The following PDE4D variants were observed in gnomAD, a reference collection of about 807,000 sequenced individuals.
PDE4D encodes the protein phosphodiesterase 4D.
Under a neutral mutation model 87.4 loss-of-function variants are expected in PDE4D, and 24 were observed. The ratio of observed to expected loss-of-function variants is 0.27; its 90% CI spans 0.20 to 0.39. The LOEUF is 0.39. Among genes scored for constraint, PDE4D ranks in the 10% least tolerant of loss-of-function variants. The probability of loss-of-function intolerance (pLI) is 1.00; values close to 1 mark genes in which losing one functional copy is unlikely to be tolerated. For synonymous variants in PDE4D, 384 were observed against 383.2 expected, an observed-to-expected ratio of 1.00 and a Z score of -0.02; for missense variants, 714 against 1,041.0, an observed-to-expected ratio of 0.69 and a Z score of 4.32.
intron 1 of PDE4D, among the ~76,000 whole-genome samples, chr5:59,871,718 C>T (rs1292751019): frequency 6.6e-6 from 1 of 152,122 alleles, no homozygotes; most frequent in African/African-American, 2.4e-5. Context: ...GGAGAAAAAG[C>T]CAACTTGTTT....
At chr5:59,772,340 C>A (rs1763665463) in intron 1 of PDE4D, among the ~76,000 whole-genome samples, 1 of 152,140 alleles carries the variant, frequency 6.6e-6, no homozygotes, top group Admixed American at 6.5e-5. Context: ...TAAGTGACAG[C>A]CAAATAAGGC....
chr5:59,874,250 C>T (rs1473411948), intron 1 of PDE4D, among the ~76,000 whole-genome samples: 4 of 152,110 alleles, frequency 2.6e-5, no homozygotes, highest in Admixed American at 1.3e-4. Flanking sequence ...TGAGATGTTA[C>T]TTTTCACATA....
At chr5:59,883,424 A>G (rs1749730180) in intron 1 of PDE4D, among the ~76,000 whole-genome samples, 1 of 152,198 alleles carries the variant, frequency 6.6e-6, no homozygotes, top group African/African-American at 2.4e-5. Flanking sequence ...TCAGTCTTAA[A>G]GAGAATGCCC....
At chr5:60,180,743 A>G (rs1784314259) in intron 2 of PDE4D, among the ~76,000 whole-genome samples, 1 of 152,138 alleles carries the variant, frequency 6.6e-6, no homozygotes, top group Non-Finnish European at 1.5e-5. Context: ...CTCTAAAACT[A>G]CAACTTCTCA....
At chr5:59,086,540 G>A (rs1347116895) in intron 5 of PDE4D, among the ~76,000 whole-genome samples, 3 of 151,958 alleles carry the variant, frequency 2.0e-5, no homozygotes, top group African/African-American at 7.3e-5. Context: ...GCCTGTGTGA[G>A]TACCTTCACC....
intron 1 of PDE4D, among the ~76,000 whole-genome samples, chr5:59,494,898 A>G (rs190420254): frequency 5.3e-5 from 8 of 152,322 alleles, no homozygotes; most frequent in Admixed American, 5.2e-4. Flanking sequence ...TGTGTTCTAT[A>G]CATTTCTAAG....
At chr5:60,346,685 C>T (rs1758773208) in intron 1 of PDE4D, among the ~76,000 whole-genome samples, 1 of 152,116 alleles carries the variant, frequency 6.6e-6, no homozygotes, top group Admixed American at 6.6e-5. Flanking sequence ...CTGAGCCACT[C>T]ACAGCAACCC....
At chr5:59,386,750 T>A (rs1787135143) in intron 1 of PDE4D, among the ~76,000 whole-genome samples, 1 of 151,460 alleles carries the variant, frequency 6.6e-6, no homozygotes, top group East Asian at 2.0e-4. Context: ...AAAAGAAATA[T>A]GCCATGGGAA....
At chr5:59,427,491 A>G (rs749146148) in intron 1 of PDE4D, among the ~76,000 whole-genome samples, 2 of 152,160 alleles carry the variant, frequency 1.3e-5, no homozygotes, top group African/African-American at 2.4e-5. Flanking sequence ...TTACAGTCCA[A>G]TTGGGTGAGG....
At chr5:59,845,840 T>G (rs1287109508) in intron 1 of PDE4D, among the ~76,000 whole-genome samples, 1 of 152,042 alleles carries the variant, frequency 6.6e-6, no homozygotes, top group African/African-American at 2.4e-5. Flanking sequence ...CATTTATGGA[T>G]TACTTCTGAA....
At chr5:60,505,887 C>T (rs1490777352) in intron 1 of PDE4D, among the ~76,000 whole-genome samples, 3 of 152,196 alleles carry the variant, frequency 2.0e-5, no homozygotes, top group Non-Finnish European at 4.4e-5. Flanking sequence ...TATCTCTTTG[C>T]CAGTTGGCAG....
intron 1 of PDE4D, chr5:59,586,652 T>C: frequency 7.1e-6 from 7 of 985,340 alleles, no homozygotes; most frequent in Non-Finnish European, 8.4e-6. Context: ...CATACTAAAA[T>C]AACCAGTTCA....
At chr5:58,998,126 A>G (rs1178761630) in intron 6 of PDE4D, among the ~76,000 whole-genome samples, 1 of 152,148 alleles carries the variant, frequency 6.6e-6, no homozygotes, top group Non-Finnish European at 1.5e-5. Context: ...TGGTATAAAA[A>G]TAAAACCTTC....
At chr5:59,590,054 A>G (rs1385076007) in intron 1 of PDE4D, among the ~76,000 whole-genome samples, 5 of 152,174 alleles carry the variant, frequency 3.3e-5, no homozygotes, top group Non-Finnish European at 5.9e-5. Flanking sequence ...ACATTATTAA[A>G]CAATCCAAAA....
rs186889809 is a variant in PDE4D, at chr5:59,340,005, G to A, written c.456-124037C>T. On this transcript the variant is annotated intron_variant, in intron 1 of 14. Coordinates refer to ENST00000340635, the MANE Select transcript of PDE4D (RefSeq NM_001104631.2). ...TTAATCCCTGTTGCTTTACAGGAATGTGTTCAGTCTTCTCACCCTCTCTGG... is the reference window on the plus strand; with the variant it reads ...TTAATCCCTGTTGCTTTACAGGAATATGTTCAGTCTTCTCACCCTCTCTGG... Among the ~76,000 whole-genome samples the A allele has an allele frequency of 2.0e-5, 3 of 149,410 alleles. No individual in the cohort carries two copies. The East Asian group carries it at 5.9e-4, about 29-fold the overall frequency.
intron 1 of PDE4D, among the ~76,000 whole-genome samples, chr5:59,418,099 T>C (rs1793912371): frequency 6.6e-6 from 1 of 152,188 alleles, no homozygotes; most frequent in African/African-American, 2.4e-5. Flanking sequence ...GTCCCCTCAT[T>C]AGTCTCCTTA....
At chr5:60,354,455 C>T (rs957243165) in intron 1 of PDE4D, among the ~76,000 whole-genome samples, 1 of 152,182 alleles carries the variant, frequency 6.6e-6, no homozygotes, top group Admixed American at 6.5e-5. Context: ...AGTCTCCATA[C>T]ATAGCAAGCT....
At chr5:59,431,668 G>A (rs1391538862) in intron 1 of PDE4D, among the ~76,000 whole-genome samples, 1 of 151,934 alleles carries the variant, frequency 6.6e-6, no homozygotes, top group Admixed American at 6.6e-5. Context: ...TAGATGTGAA[G>A]GTTTGTTACA....
intron 1 of PDE4D, among the ~76,000 whole-genome samples, chr5:59,267,042 A>G (rs960602397): frequency 6.6e-6 from 1 of 152,042 alleles, no homozygotes; most frequent in African/African-American, 2.4e-5. Context: ...CATTGTAGCT[A>G]TCATTAATGA....
Sources: gnomAD v4.1 joint callset for allele counts (sites outside exome capture counted in the v4.1 genomes callset) on GRCh38, gnomAD v4.1.1 for gene constraint, MANE v1.5 for transcripts, NCBI Gene and HGNC (gene_info 2026-07-23, HGNC 2026-07-21) for gene names.